The following GRIN2A variants were observed in gnomAD, a reference collection of about 807,000 sequenced individuals.
GRIN2A encodes the protein glutamate ionotropic receptor NMDA type subunit 2A, also known as glutamate receptor ionotropic, NMDA 2A.
A neutral mutation model predicts 113.4 loss-of-function variants in GRIN2A; 22 were observed. That is an observed-to-expected ratio of 0.19 (90% confidence interval 0.14 to 0.28). GRIN2A has a LOEUF of 0.28. Ranked by LOEUF, GRIN2A falls within the 10% of genes least tolerant of loss-of-function variation. GRIN2A has a pLI of 1.00. For synonymous variants in GRIN2A, 827 were observed against 738.4 expected, an observed-to-expected ratio of 1.12 and a Z score of -1.94; for missense variants, 1,502 against 1,887.0, an observed-to-expected ratio of 0.80 and a Z score of 3.78.
intron 2 of GRIN2A, among the ~76,000 whole-genome samples, chr16:10,097,135 T>C (rs72774187): frequency 0.085 from 13,000 of 152,252 alleles, 708 homozygotes; most frequent in Non-Finnish European, 0.13. Context: ...AACAGCGAGA[T>C]CAGGCCTCAG....
In GRIN2A at chr16:9,817,441, G is replaced by C. The variant is rs529009843; in HGVS notation, c.2168+4823C>G. Among the ~76,000 whole-genome samples the C allele has an allele frequency of 3.5e-4, 53 of 152,312 alleles. 1 individual carries two copies. Among genetic ancestry groups the C allele is most frequent in the Non-Finnish European group, 3.2e-4 (22 of 68,028 alleles). ...CAGGTACAGTTGGTCCATTGGCCAG[G>C]CTTGGAGGCACCCAATTTTGGGGCA... On this transcript the variant is annotated intron_variant, in intron 10 of 12. Coordinates refer to ENST00000330684, the MANE Select transcript of GRIN2A (RefSeq NM_001134407.3).
At chr16:10,114,491 C>A (rs1396310758) in intron 2 of GRIN2A, among the ~76,000 whole-genome samples, 1 of 152,188 alleles carries the variant, frequency 6.6e-6, no homozygotes, top group East Asian at 1.9e-4. Flanking sequence ...CCTTTCAAAG[C>A]AGATTGTGTA....
intron 2 of GRIN2A, among the ~76,000 whole-genome samples, chr16:10,072,217 G>A (rs944788085): frequency 6.6e-6 from 1 of 152,182 alleles, no homozygotes; most frequent in Non-Finnish European, 1.5e-5. Flanking sequence ...TGCATTCCCT[G>A]CTGGTAGGGA....
chr16:10,052,443 T>A (rs1349827318), intron 2 of GRIN2A, among the ~76,000 whole-genome samples: 3 of 152,190 alleles, frequency 2.0e-5, no homozygotes, highest in African/African-American at 7.2e-5. Flanking sequence ...TATCATGCAC[T>A]GAACTTCCAA....
chr16:10,030,633 TTTTTA>T (rs1275722464), intron 2 of GRIN2A, among the ~76,000 whole-genome samples: 1 of 152,204 alleles, frequency 6.6e-6, no homozygotes, highest in Non-Finnish European at 1.5e-5. Context: ...AGCTCAAGAC[TTTTTA>T]TTTTGTGTTT....
chr16:10,169,192 G>C (rs1487570295), intron 2 of GRIN2A, among the ~76,000 whole-genome samples: 2 of 151,868 alleles, frequency 1.3e-5, no homozygotes, highest in African/African-American at 4.8e-5. Context: ...ATTTCATTTA[G>C]AGTCTACGCA....
At chr16:9,807,152 C>A (rs112994459) in intron 10 of GRIN2A, among the ~76,000 whole-genome samples, 1 of 143,930 alleles carries the variant, frequency 6.9e-6, no homozygotes, top group Non-Finnish European at 1.5e-5. Context: ...TATCCAGTAT[C>A]GGGTATGTCT....
In GRIN2A at chr16:10,130,546, T is replaced by C. The variant is rs571920183; in HGVS notation, c.414+49452A>G. On this transcript the variant is annotated intron_variant, in intron 2 of 12. Transcript: ENST00000330684. ...CCATCTTCCAAGCCATCCTATTCAC[T>C]TTCTCCCCACTGTCAAAAGGAACAG... Among the ~76,000 whole-genome samples the C allele has an allele frequency of 1.8e-4, 27 of 152,244 alleles. No homozygotes were observed. In the South Asian group the frequency reaches 5.4e-3, roughly 30 times the overall value.
At chr16:9,897,205 C>T (rs2043823638) in intron 3 of GRIN2A, among the ~76,000 whole-genome samples, 1 of 146,612 alleles carries the variant, frequency 6.8e-6, no homozygotes. Flanking sequence ...TATATATTTA[C>T]ATATTTTATA....
At chr16:10,057,664 G>C (rs1286560077) in intron 2 of GRIN2A, among the ~76,000 whole-genome samples, 1 of 152,040 alleles carries the variant, frequency 6.6e-6, no homozygotes, top group Non-Finnish European at 1.5e-5. Context: ...TTCCCAAAGA[G>C]GCTTACACGA....
chr16:9,865,333 C>T (rs1242685648), intron 4 of GRIN2A, among the ~76,000 whole-genome samples: 2 of 152,162 alleles, frequency 1.3e-5, no homozygotes, highest in African/African-American at 4.8e-5. Flanking sequence ...TTATCCCCAT[C>T]TCAGACAGTA....
intron 2 of GRIN2A, among the ~76,000 whole-genome samples, chr16:10,083,649 C>T (rs2048028090): frequency 6.6e-6 from 1 of 152,154 alleles, no homozygotes; most frequent in African/African-American, 2.4e-5. Flanking sequence ...CACCTCACCC[C>T]CGATCCCTAC....
chr16:9,980,024 C>T (rs1199712086), intron 2 of GRIN2A, among the ~76,000 whole-genome samples: 1 of 151,616 alleles, frequency 6.6e-6, no homozygotes, highest in Non-Finnish European at 1.5e-5. Flanking sequence ...TTTTGGGAAG[C>T]CAAGGCAGGC....
chr16:10,144,598 T>C (rs2049393619), intron 2 of GRIN2A, among the ~76,000 whole-genome samples: 1 of 152,208 alleles, frequency 6.6e-6, no homozygotes, highest in Admixed American at 6.5e-5. Context: ...AAATATTTTC[T>C]CCCATTCTAT....
At chr16:9,963,502 A>G (rs998528869) in intron 2 of GRIN2A, among the ~76,000 whole-genome samples, 1 of 151,934 alleles carries the variant, frequency 6.6e-6, no homozygotes, top group African/African-American at 2.4e-5. Context: ...TCATTGTTCA[A>G]CTTCCACTTA....
At chr16:9,878,618 C>T (rs1213257542) in intron 4 of GRIN2A, among the ~76,000 whole-genome samples, 3 of 152,160 alleles carry the variant, frequency 2.0e-5, no homozygotes, top group African/African-American at 4.8e-5. Context: ...ACCGTCATCA[C>T]CATCATCATC....
intron 2 of GRIN2A, among the ~76,000 whole-genome samples, chr16:10,171,112 A>C (rs925915988): frequency 1.2e-4 from 19 of 152,198 alleles, no homozygotes; most frequent in African/African-American, 4.6e-4. Context: ...TTTGTCTTGC[A>C]TCTGAGCCCC....
At chr16:10,095,088 CT>C (rs2048261319) in intron 2 of GRIN2A, among the ~76,000 whole-genome samples, 1 of 150,594 alleles carries the variant, frequency 6.6e-6, no homozygotes, top group Non-Finnish European at 1.5e-5. Flanking sequence ...AGAGAGATTT[CT>C]CTCTCTCTCT....
intron 2 of GRIN2A, chr16:10,179,758 C>T: frequency 1.8e-6 from 1 of 564,454 alleles, no homozygotes; most frequent in Non-Finnish European, 3.2e-6. Context: ...CTTCCTGGCA[C>T]ACACACACCA....
Sources: gnomAD v4.1 joint callset for allele counts (sites outside exome capture counted in the v4.1 genomes callset) on GRCh38, gnomAD v4.1.1 for gene constraint, MANE v1.5 for transcripts, NCBI Gene and HGNC (gene_info 2026-07-23, HGNC 2026-07-21) for gene names.